Variants in PRDM1 observed in about 807,000 individuals in gnomAD.
The protein encoded by PRDM1 is PR domain zinc finger protein 1.
PRDM1 carries 13 observed loss-of-function variants against 62.8 expected under a neutral mutation model. That is an observed-to-expected ratio of 0.21 (90% CI 0.13 to 0.33). The LOEUF is 0.33. Among genes scored for constraint, PRDM1 ranks in the 10% least tolerant of loss-of-function variants. The pLI, the probability that PRDM1 is intolerant of heterozygous loss-of-function variation, is 1.00. For missense variants in PRDM1, 895 were observed against 1,058.8 expected (o/e 0.85, Z 2.15); for synonymous variants, 396 against 417.6 (o/e 0.95, Z 0.63).
intron 1 of PRDM1, among the ~76,000 whole-genome samples, chr6:106,037,903 C>G (rs1330450451): frequency 6.6e-6 from 1 of 150,990 alleles, no homozygotes; most frequent in Non-Finnish European, 1.5e-5. Context: ...GCCACAGTTT[C>G]CTGTTTCTTT....
At chr6:106,063,688 A>C (rs1314025285) in intron 1 of PRDM1, among the ~76,000 whole-genome samples, 1 of 152,200 alleles carries the variant, frequency 6.6e-6, no homozygotes, top group East Asian at 1.9e-4. Flanking sequence ...TCTTGACCAA[A>C]TCATTTGTTA....
At chr6:106,052,692 C>T (rs764053505) in intron 1 of PRDM1, among the ~76,000 whole-genome samples, 17 of 151,958 alleles carry the variant, frequency 1.1e-4, no homozygotes, top group Non-Finnish European at 1.2e-4. Flanking sequence ...ATGGTCATGC[C>T]GGGCGTGGGG....
chr6:106,078,316 C>T (rs1288795282), intron 1 of PRDM1: 2 of 152,086 alleles, frequency 1.3e-5, no homozygotes, highest in African/African-American at 2.4e-5. Context: ...GGTGGGATCT[C>T]TGTAAAATGG....
Position 106,105,708 on chromosome 6 carries a change from TCCCACGGCGGGAACAGCC to T in PRDM1, c.1549_1566del (p.Pro517_Ala522del). 2 of 1,613,834 alleles carry T rather than the reference TCCCACGGCGGGAACAGCC, an allele frequency of 1.2e-6. No individual in the cohort carries two copies. The highest frequency in any genetic ancestry group is 1.7e-6 in the Non-Finnish European group (2 of 1,179,906). On this transcript the variant is annotated inframe_deletion, in exon 5 of 7. Coordinates refer to ENST00000369096, the MANE Select transcript of PRDM1 (RefSeq NM_001198.4). ...AGGCCTGTAGCCCCACAAGCGGGTCTCCCACGGCGGGAACAGCCGCCACGGCAGAACATGTGGTGCAGC... is the reference window on the plus strand; with the variant it reads ...AGGCCTGTAGCCCCACAAGCGGGTCTGCCACGGCAGAACATGTGGTGCAGC...
chr6:106,025,372 G>T (rs972438060), intron 1 of PRDM1, among the ~76,000 whole-genome samples: 3 of 152,166 alleles, frequency 2.0e-5, no homozygotes, highest in Non-Finnish European at 4.4e-5. Context: ...AGCACAAGAG[G>T]TCTAATTTGT....
chr6:106,016,529 A>G (rs899258006), intron 1 of PRDM1, among the ~76,000 whole-genome samples: 2 of 151,822 alleles, frequency 1.3e-5, no homozygotes, highest in African/African-American at 4.9e-5. Flanking sequence ...ACTAAATGGT[A>G]GATGGAAAAT....
chr6:106,028,199 C>G (rs1347794578), intron 1 of PRDM1, among the ~76,000 whole-genome samples: 2 of 152,160 alleles, frequency 1.3e-5, no homozygotes, highest in Non-Finnish European at 2.9e-5. Flanking sequence ...GGCTGGATTT[C>G]TGGTGATTTT....
intron 1 of PRDM1, among the ~76,000 whole-genome samples, chr6:106,069,978 C>T (rs189646639): frequency 7.9e-5 from 12 of 152,274 alleles, no homozygotes; most frequent in African/African-American, 2.6e-4. Context: ...CTTCCCTCTC[C>T]GCATCCACCA....
rs753091009 is a variant in PRDM1 at position 106,105,406 on chromosome 6, C to T, written c.1246C>T (p.Pro416Ser). ...YNAHYPKFLLPPYGMNCNGLS... is the reference protein window; with the variant it reads ...YNAHYPKFLLSPYGMNCNGLS... The stretch of plus-strand genomic sequence containing the variant: ...CGCTCACTACCCCAAGTTCCTCTTG[C>T]CCCCCTACGGCATGAATTGTAATGG... The change falls in exon 5 of 7, where the codon CCC (proline) becomes TCC (serine). Residue 416 changes from proline (P) to serine (S), a missense_variant. Pro to Ser is a moderately conservative substitution (Grantham distance 74). This residue lies in a region of PRDM1 where 444 missense variants were observed against 422.7 expected (regional missense o/e 1.05). Transcript: ENST00000369096. 1.2e-6 allele frequency: 2 copies of T among 1,614,154 alleles called. No homozygotes were observed. Among genetic ancestry groups the T allele is most frequent in the South Asian group, 2.2e-5 (2 of 91,082 alleles).
intron 1 of PRDM1, among the ~76,000 whole-genome samples, chr6:106,034,465 C>A (rs1021594673): frequency 6.6e-6 from 1 of 151,834 alleles, no homozygotes; most frequent in Non-Finnish European, 1.5e-5. Flanking sequence ...TCATGCATCT[C>A]TAATTATTTT....
chr6:106,050,210 C>T (rs1391782605), intron 1 of PRDM1, among the ~76,000 whole-genome samples: 1 of 152,150 alleles, frequency 6.6e-6, no homozygotes, highest in Non-Finnish European at 1.5e-5. Context: ...AACCAGATTT[C>T]TGGTTTTATC....
At chr6:106,073,408 C>G (rs1395568126) in intron 1 of PRDM1, among the ~76,000 whole-genome samples, 2 of 152,176 alleles carry the variant, frequency 1.3e-5, no homozygotes, top group African/African-American at 4.8e-5. Flanking sequence ...AGCCACAGCA[C>G]CCGGCCTCAA....
chr6:106,009,098 G>T (rs1357505218), intron 1 of PRDM1, among the ~76,000 whole-genome samples: 1 of 152,136 alleles, frequency 6.6e-6, no homozygotes, highest in Non-Finnish European at 1.5e-5. Context: ...CTGTCTTAGC[G>T]CTCTTGCCTC....
chr6:106,006,160 A>G (rs1296028235), intron 1 of PRDM1, among the ~76,000 whole-genome samples: 1 of 152,210 alleles, frequency 6.6e-6, no homozygotes, highest in African/African-American at 2.4e-5. Flanking sequence ...ACTTGTTTAG[A>G]TTGAGGCAAA....
At position 106,033,800 on chromosome 6, in the gene PRDM1, A is replaced by T. The variant is rs187627078; in HGVS notation, c.-67+40161A>T. 5.9e-5 allele frequency among the ~76,000 whole-genome samples: 9 copies of T among 151,270 alleles called. No homozygotes were observed. In the East Asian group the frequency reaches 7.7e-4, roughly 13 times the overall value. On this transcript the variant is annotated intron_variant, in intron 1 of 6. Coordinates refer to the PRDM1 transcript ENST00000652320. ...TTCTTTTCTCTTTATTTTTTTTTTTAAAGCTTGAGAAGAATTGGTGTTAGT... is the reference window on the plus strand; with the variant it reads ...TTCTTTTCTCTTTATTTTTTTTTTTTAAGCTTGAGAAGAATTGGTGTTAGT...
At chr6:106,054,392 TTCTG>T (rs1357562361) in intron 1 of PRDM1, among the ~76,000 whole-genome samples, 1 of 152,196 alleles carries the variant, frequency 6.6e-6, no homozygotes, top group African/African-American at 2.4e-5. Context: ...ACTTGTTCCT[TTCTG>T]TCTATCTCTC....
At chr6:105,992,744 C>T (rs1264133672), upstream of PRDM1, among the ~76,000 whole-genome samples, 2 of 152,250 alleles carry the variant, frequency 1.3e-5, no homozygotes, top group Non-Finnish European at 2.9e-5. Context: ...AATGCACCTC[C>T]CTCCACTTCA....
intron 1 of PRDM1, among the ~76,000 whole-genome samples, chr6:106,051,912 A>G (rs1190001696): frequency 6.6e-6 from 1 of 152,216 alleles, no homozygotes; most frequent in Non-Finnish European, 1.5e-5. Context: ...ATGTTATGCT[A>G]ATTGAAATAA....
At chr6:106,030,272 A>T (rs1368461432) in intron 1 of PRDM1, among the ~76,000 whole-genome samples, 1 of 152,152 alleles carries the variant, frequency 6.6e-6, no homozygotes, top group Non-Finnish European at 1.5e-5. Context: ...GAGCTCAAGC[A>T]GTCTTCCCAC....
Sources: gnomAD v4.1 joint callset for allele counts (sites outside exome capture counted in the v4.1 genomes callset) on GRCh38, gnomAD v4.1.1 for gene constraint, gnomAD v4.1.1 regional missense constraint, MANE v1.5 for transcripts, NCBI Gene and HGNC (gene_info 2026-07-23, HGNC 2026-07-21) for gene names.